CACNA2D1: variants seen among roughly 807,000 people sequenced by gnomAD.
The protein encoded by CACNA2D1 is voltage-dependent calcium channel subunit alpha-2/delta-1.
CACNA2D1 carries 53 observed loss-of-function variants against 171.5 expected under a neutral mutation model. That is an observed-to-expected ratio of 0.31 (90% CI 0.25 to 0.39). The LOEUF is 0.39. Among genes scored for constraint, CACNA2D1 ranks in the 10% least tolerant of loss-of-function variants. The probability of loss-of-function intolerance (pLI) is 1.00; values close to 1 mark genes in which losing one functional copy is unlikely to be tolerated. For synonymous variants in CACNA2D1, 442 were observed against 443.1 expected (o/e 1.00, Z 0.03); for missense variants, 903 against 1,299.8 (o/e 0.69, Z 4.69).
At chr7:82,425,493 A>T (rs1314930403) in intron 1 of CACNA2D1, among the ~76,000 whole-genome samples, 1 of 152,002 alleles carries the variant, frequency 6.6e-6, no homozygotes, top group Non-Finnish European at 1.5e-5. Flanking sequence ...AAACCAAAAT[A>T]AATAAATAAA....
At chr7:82,090,789 A>G (rs1341225629) in intron 6 of CACNA2D1, among the ~76,000 whole-genome samples, 2 of 152,122 alleles carry the variant, frequency 1.3e-5, no homozygotes, top group Non-Finnish European at 2.9e-5. Context: ...TTTTTGGACA[A>G]TCATAGAATA....
intron 3 of CACNA2D1, among the ~76,000 whole-genome samples, chr7:82,282,056 G>A (rs1273673464): frequency 6.6e-6 from 1 of 152,158 alleles, no homozygotes; most frequent in African/African-American, 2.4e-5. Context: ...CAGCACTTTG[G>A]GAGGCCGAGG....
intron 3 of CACNA2D1, among the ~76,000 whole-genome samples, chr7:82,321,399 G>T (rs571537760): frequency 6.6e-6 from 1 of 151,638 alleles, no homozygotes; most frequent in African/African-American, 2.4e-5. Flanking sequence ...ATTCTGTCTC[G>T]AAAAAGAAAT....
chr7:82,412,333 A>G (rs893567204), intron 1 of CACNA2D1, among the ~76,000 whole-genome samples: 25 of 136,296 alleles, frequency 1.8e-4, no homozygotes, highest in African/African-American at 6.8e-4. Context: ...CCCAGGCTGG[A>G]GTGCAAAGAC....
chr7:82,045,139 G>A (rs1365358403), intron 10 of CACNA2D1, among the ~76,000 whole-genome samples: 1 of 151,904 alleles, frequency 6.6e-6, no homozygotes, highest in African/African-American at 2.4e-5. Context: ...ATGCTTTCTA[G>A]GTTATCTGTT....
intron 4 of CACNA2D1, among the ~76,000 whole-genome samples, chr7:82,146,852 G>A (rs1563117280): frequency 6.6e-6 from 1 of 151,250 alleles, no homozygotes; most frequent in Non-Finnish European, 1.5e-5. Context: ...TGGCCATGGT[G>A]GCACACACCT....
At chr7:82,133,843 C>T (rs1791289042) in intron 5 of CACNA2D1, among the ~76,000 whole-genome samples, 1 of 152,070 alleles carries the variant, frequency 6.6e-6, no homozygotes, top group Non-Finnish European at 1.5e-5. Context: ...GAGGCCGAAG[C>T]GGGTGGATCA....
chr7:82,182,301 A>AT (rs1797210159), intron 3 of CACNA2D1, among the ~76,000 whole-genome samples: 2 of 152,294 alleles, frequency 1.3e-5, no homozygotes, highest in Admixed American at 1.3e-4. Flanking sequence ...AGGTAAAAGA[A>AT]TTAAACTACA....
chr7:82,428,740 T>A (rs1350819591), intron 1 of CACNA2D1, among the ~76,000 whole-genome samples: 1 of 152,184 alleles, frequency 6.6e-6, no homozygotes, highest in Non-Finnish European at 1.5e-5. Flanking sequence ...GTGATACTCT[T>A]TTACAGAATA....
intron 3 of CACNA2D1, among the ~76,000 whole-genome samples, chr7:82,224,996 C>A (rs1168485145): frequency 6.6e-6 from 1 of 152,156 alleles, no homozygotes; most frequent in Non-Finnish European, 1.5e-5. Context: ...TATAAACTAT[C>A]ATTCTCTTTC....
At chr7:82,108,480 A>G (rs1788003145) in intron 6 of CACNA2D1, among the ~76,000 whole-genome samples, 1 of 152,184 alleles carries the variant, frequency 6.6e-6, no homozygotes, top group African/African-American at 2.4e-5. Flanking sequence ...CAAGTATCAC[A>G]TCACATTGGA....
At chr7:82,145,801 T>C (rs1792968899) in intron 4 of CACNA2D1, among the ~76,000 whole-genome samples, 1 of 145,042 alleles carries the variant, frequency 6.9e-6, no homozygotes, top group African/African-American at 2.5e-5. Context: ...GACACATTCA[T>C]TCACTTTATC....
intron 6 of CACNA2D1, among the ~76,000 whole-genome samples, chr7:82,107,708 C>T (rs182160035): frequency 1.6e-4 from 25 of 151,748 alleles, no homozygotes; most frequent in Admixed American, 5.9e-4. Context: ...CTCAGCCTCC[C>T]GAGTAGCTGG....
At chr7:82,285,373 A>T (rs1179078562) in intron 3 of CACNA2D1, among the ~76,000 whole-genome samples, 2 of 152,182 alleles carry the variant, frequency 1.3e-5, no homozygotes, top group African/African-American at 4.8e-5. Flanking sequence ...CTGCAGTCCT[A>T]GCCAAGGTAC....
intron 4 of CACNA2D1, among the ~76,000 whole-genome samples, chr7:82,165,336 T>C (rs1315231566): frequency 1.3e-5 from 2 of 152,002 alleles, no homozygotes; most frequent in African/African-American, 4.8e-5. Context: ...GGGCTTCCAC[T>C]GTACTATCAC....
intron 4 of CACNA2D1, among the ~76,000 whole-genome samples, chr7:82,159,802 G>T (rs1794748863): frequency 8.1e-6 from 1 of 123,936 alleles, no homozygotes; most frequent in South Asian, 2.5e-4. Flanking sequence ...TTAGTGACAG[G>T]CTTTAGGAAA....
chr7:82,040,745 C>T (rs999176461), intron 10 of CACNA2D1, among the ~76,000 whole-genome samples: 2 of 152,148 alleles, frequency 1.3e-5, no homozygotes, highest in African/African-American at 2.4e-5. Flanking sequence ...GAGGCCAAGA[C>T]GGGTGGATCA....
chr7:82,395,163 G>A (rs555015868), intron 1 of CACNA2D1, among the ~76,000 whole-genome samples: 1 of 150,510 alleles, frequency 6.6e-6, no homozygotes, highest in South Asian at 2.1e-4. Flanking sequence ...TATATGTTGA[G>A]TACTATTCTA....
chr7:82,378,863 T>C (rs1485753369), intron 1 of CACNA2D1, among the ~76,000 whole-genome samples: 1 of 152,036 alleles, frequency 6.6e-6, no homozygotes, highest in East Asian at 1.9e-4. Context: ...CATATTCAAT[T>C]TCACTTCCTA....
Sources: allele counts gnomAD v4.1 joint callset (sites outside exome capture counted in the v4.1 genomes callset), GRCh38; gene constraint gnomAD v4.1.1; transcripts MANE v1.5; gene names NCBI Gene and HGNC (gene_info 2026-07-23, HGNC 2026-07-21).